Variants in PRKCH observed in about 807,000 individuals in gnomAD.
PRKCH encodes protein kinase C eta.
PRKCH carries 28 observed loss-of-function variants against 82.5 expected under a neutral mutation model. The observed-to-expected ratio is 0.34, with a 90% CI of 0.25 to 0.47. The LOEUF is 0.47. Ranked by LOEUF, PRKCH falls within the 20% of genes least tolerant of loss-of-function variation. The probability of loss-of-function intolerance (pLI) is 1.00; values close to 1 mark genes in which losing one functional copy is unlikely to be tolerated. For missense variants in PRKCH, 705 were observed against 881.8 expected, an observed-to-expected ratio of 0.80 and a Z score of 2.54; for synonymous variants, 322 against 327.4, an observed-to-expected ratio of 0.98 and a Z score of 0.18.
intron 1 of PRKCH, among the ~76,000 whole-genome samples, chr14:61,343,575 A>G (rs912695551): frequency 2.6e-5 from 4 of 152,094 alleles, no homozygotes; most frequent in African/African-American, 9.7e-5. Flanking sequence ...TTTATGTAGC[A>G]CTTTTAAACA....
chr14:61,492,912 A>C (rs758480155), intron 10 of PRKCH, among the ~76,000 whole-genome samples: 3 of 152,192 alleles, frequency 2.0e-5, no homozygotes, highest in Non-Finnish European at 4.4e-5. Flanking sequence ...GAAGAGTTAA[A>C]AGCTGAACAA....
chr14:61,415,684 G>A (rs1257522751), intron 2 of PRKCH, among the ~76,000 whole-genome samples: 1 of 152,102 alleles, frequency 6.6e-6, no homozygotes, highest in African/African-American at 2.4e-5. Context: ...GTGATAAAAT[G>A]CACATAAAAA....
chr14:61,333,107 T>C (rs544303145), intron 1 of PRKCH, among the ~76,000 whole-genome samples: 1 of 152,376 alleles, frequency 6.6e-6, no homozygotes, highest in South Asian at 2.1e-4. Flanking sequence ...AATACATTTA[T>C]TTATTTGCAA....
At position 61,280,779 on chromosome 14, in the gene PRKCH, G is replaced by T. The variant is rs749144683; in HGVS notation, c.-19+93111G>T. ...GCGCGTCGTCGCGGGACACGCCGTA[G>T]CGCCGGTTGTTCTGGTAGAAGTTGG... On this transcript the variant is annotated intron_variant, in intron 1 of 3. Coordinates refer to the PRKCH transcript ENST00000555185. This position sits in a 1 kb window ranked among gnomAD's most constrained non-coding sequence, Gnocchi z 5.0. 78 of 1,555,690 alleles carry T rather than the reference G, an allele frequency of 5.0e-5. 1 individual carries two copies. The South Asian group carries it at 6.2e-4, about 12-fold the overall frequency.
intron 1 of PRKCH, among the ~76,000 whole-genome samples, chr14:61,349,801 C>T (rs2046047029): frequency 6.6e-6 from 1 of 152,034 alleles, no homozygotes; most frequent in South Asian, 2.1e-4. Context: ...GCGGAGGCTG[C>T]AGTAAGCTGA....
At chr14:61,248,624 A>G (rs1030358770) in intron 1 of PRKCH, among the ~76,000 whole-genome samples, 1 of 152,232 alleles carries the variant, frequency 6.6e-6, no homozygotes, top group Non-Finnish European at 1.5e-5. Flanking sequence ...AAGAGTGTCC[A>G]GTACTGGGAA....
At chr14:61,381,553 G>T (rs2046509693) in intron 1 of PRKCH, among the ~76,000 whole-genome samples, 1 of 152,232 alleles carries the variant, frequency 6.6e-6, no homozygotes, top group African/African-American at 2.4e-5. Context: ...GATACCTTGT[G>T]TGTCTGCAGC....
chr14:61,266,393 G>C (rs1416583373), intron 1 of PRKCH, among the ~76,000 whole-genome samples: 1 of 152,064 alleles, frequency 6.6e-6, no homozygotes, highest in East Asian at 1.9e-4. Flanking sequence ...ACTCCAGCCT[G>C]GGCAACAGAG....
chr14:61,364,795 G>A (rs1474180948), intron 1 of PRKCH, among the ~76,000 whole-genome samples: 1 of 152,040 alleles, frequency 6.6e-6, no homozygotes, highest in Non-Finnish European at 1.5e-5. Flanking sequence ...AGCCATGATT[G>A]CACCATTGCG....
intron 1 of PRKCH, among the ~76,000 whole-genome samples, chr14:61,202,814 A>G (rs1440952642): frequency 6.6e-6 from 1 of 152,148 alleles, no homozygotes; most frequent in African/African-American, 2.4e-5. Context: ...TTCGCCTATT[A>G]TTAATATCTT....
intron 2 of PRKCH, among the ~76,000 whole-genome samples, chr14:61,432,583 C>T (rs1340796181): frequency 6.6e-6 from 1 of 152,196 alleles, no homozygotes; most frequent in East Asian, 1.9e-4. Flanking sequence ...AGTCCTCCTG[C>T]CTTGGCCTCT....
intron 2 of PRKCH, among the ~76,000 whole-genome samples, chr14:61,407,178 C>T (rs1461996304): frequency 2.6e-5 from 4 of 152,232 alleles, no homozygotes; most frequent in Admixed American, 1.3e-4. Flanking sequence ...AGACTATTCT[C>T]ATGCTCTGAC....
intron 1 of PRKCH, among the ~76,000 whole-genome samples, chr14:61,210,632 A>T (rs2044567448): frequency 6.6e-6 from 1 of 152,136 alleles, no homozygotes; most frequent in Non-Finnish European, 1.5e-5. Flanking sequence ...CCCAGCCCTC[A>T]TTTTACAGAT....
At chr14:61,218,687 G>A (rs1179666210) in intron 1 of PRKCH, among the ~76,000 whole-genome samples, 1 of 152,136 alleles carries the variant, frequency 6.6e-6, no homozygotes. Flanking sequence ...TTGTCTCTAA[G>A]CCCTCAGGGG....
chr14:61,191,737 G>A lies in PRKCH; in HGVS notation c.-19+4069G>A, dbSNP rs533340203. ...CGTCTCAACTTACTCCTTCTGAATTGCCTGGCTTGTATTGTTTAGAGCCTT... is the reference window on the plus strand; with the variant it reads ...CGTCTCAACTTACTCCTTCTGAATTACCTGGCTTGTATTGTTTAGAGCCTT... On this transcript the variant is annotated intron_variant, in intron 1 of 3. Coordinates refer to the PRKCH transcript ENST00000555185. 5.3e-5 allele frequency among the ~76,000 whole-genome samples: 8 copies of A among 152,196 alleles called. No individual in the cohort carries two copies. The East Asian group carries it at 1.3e-3, about 26-fold the overall frequency.
rs76070516 is a variant in PRKCH, at chr14:61,481,005, C to T, written c.1279-4497C>T. ...TCCTCTCAGAAGCTTCCCCCCAAAC[C>T]CCACCTGCCAAATTCCACCTCCACC... On this transcript the variant is annotated intron_variant, in intron 9 of 13. Transcript: ENST00000332981. Among the ~76,000 whole-genome samples, 168 of 152,176 alleles carry T rather than the reference C, an allele frequency of 1.1e-3. 4 individuals are homozygous for T. In the East Asian group the frequency reaches 0.029, roughly 26 times the overall value.
At chr14:61,256,425 G>A (rs1225611873) in intron 1 of PRKCH, among the ~76,000 whole-genome samples, 1 of 152,144 alleles carries the variant, frequency 6.6e-6, no homozygotes, top group East Asian at 1.9e-4. Context: ...CGCCTGTGGG[G>A]TGTGTTCTGT....
chr14:61,369,365 C>T (rs1206929747), intron 1 of PRKCH, among the ~76,000 whole-genome samples: 3 of 152,090 alleles, frequency 2.0e-5, no homozygotes, highest in Non-Finnish European at 2.9e-5. Context: ...TTTCTTTAGA[C>T]CTAAGGGCTT....
chr14:61,540,283 A>C (rs570444853), intron 12 of PRKCH, among the ~76,000 whole-genome samples: 1 of 152,358 alleles, frequency 6.6e-6, no homozygotes, highest in South Asian at 2.1e-4. Context: ...ACAAGGAAAC[A>C]CACAGAGTGC....
Sources: gnomAD v4.1 joint callset for allele counts (sites outside exome capture counted in the v4.1 genomes callset) on GRCh38, gnomAD v4.1.1 for gene constraint, Gnocchi (gnomAD v3.1) non-coding constraint, MANE v1.5 for transcripts, NCBI Gene and HGNC (gene_info 2026-07-23, HGNC 2026-07-21) for gene names.